Variants in ADD3 observed in about 807,000 individuals in gnomAD.
The protein encoded by ADD3 is adducin 3.
In ADD3, 25 loss-of-function variants were observed where a neutral mutation model predicts 80.2. The observed-to-expected ratio is 0.31, with a 90% CI of 0.23 to 0.44. The LOEUF (loss-of-function observed/expected upper bound fraction) is 0.44, where lower values mean the gene tolerates loss of function less well. ADD3 is among the 20% of genes least tolerant of loss of function. ADD3 has a pLI of 1.00. For missense variants in ADD3, 829 were observed against 847.5 expected (o/e 0.98, Z 0.27); for synonymous variants, 284 against 289.6 (o/e 0.98, Z 0.20).
At position 110,118,504 on chromosome 10, in the gene ADD3, T is replaced by A. The variant is rs1851063220; in HGVS notation, c.568-83T>A. On this transcript the variant is annotated intron_variant, in intron 5 of 14. Coordinates refer to ENST00000356080, the MANE Select transcript of ADD3 (RefSeq NM_016824.5). ...TGCTATCTGACCTTTTACAAAAAGG[T>A]TTGCTACCCCCTGGTTTAGCTTGTG... 6 of 1,238,364 alleles carry A rather than the reference T, an allele frequency of 4.8e-6. No homozygotes were observed. The Admixed American group carries it at 1.1e-4, about 23-fold the overall frequency. 76.7% of individuals were successfully genotyped at this position (1,238,364 alleles called of 1,614,324 possible).
At chr10:110,050,583 G>T in intron 1 of ADD3, among the ~76,000 whole-genome samples, 1 of 148,380 alleles carries the variant, frequency 6.7e-6, no homozygotes, top group Middle Eastern at 3.5e-3. Flanking sequence ...CACAATCTCA[G>T]CTCAATGCAA....
chr10:110,031,926 C>G (rs1203793817), intron 1 of ADD3, among the ~76,000 whole-genome samples: 1 of 149,412 alleles, frequency 6.7e-6, no homozygotes, highest in Non-Finnish European at 1.5e-5. Context: ...TTTGTGATAA[C>G]ATTTAAAGTT....
chr10:110,005,725 A>C (rs1010631782), upstream of ADD3: 8 of 152,172 alleles, frequency 5.3e-5, no homozygotes, highest in Non-Finnish European at 1.2e-4. Context: ...TCATTGACTT[A>C]CACTAAAATC....
chr10:110,016,195 C>T (rs971019618), intron 1 of ADD3, among the ~76,000 whole-genome samples: 3 of 152,140 alleles, frequency 2.0e-5, no homozygotes, highest in Non-Finnish European at 4.4e-5. Flanking sequence ...GGGAAGAGTG[C>T]CATCTACTGA....
intron 2 of ADD3, among the ~76,000 whole-genome samples, chr10:110,103,147 A>G (rs759365087): frequency 6.6e-6 from 1 of 152,186 alleles, no homozygotes; most frequent in Non-Finnish European, 1.5e-5. Context: ...TCTTCCTGCC[A>G]TATTTTAGGA....
chr10:110,104,878 G>T (rs544220175), intron 2 of ADD3, among the ~76,000 whole-genome samples: 1 of 152,282 alleles, frequency 6.6e-6, no homozygotes, highest in African/African-American at 2.4e-5. Flanking sequence ...GATGTGGTCA[G>T]AATTTAAACT....
At chr10:110,065,805 G>T (rs1164211397) in intron 1 of ADD3, among the ~76,000 whole-genome samples, 1 of 151,702 alleles carries the variant, frequency 6.6e-6, no homozygotes, top group Non-Finnish European at 1.5e-5. Context: ...CTCCCAAAGT[G>T]CTGGGATTAC....
intron 1 of ADD3, among the ~76,000 whole-genome samples, chr10:110,045,544 T>C (rs1856822150): frequency 6.6e-6 from 1 of 152,184 alleles, no homozygotes; most frequent in Non-Finnish European, 1.5e-5. Flanking sequence ...TAATTTTCAG[T>C]ACATGTTTTG....
At position 110,061,177 on chromosome 10, in the gene ADD3, G is replaced by A. The variant is rs140342984; in HGVS notation, c.-29-39448G>A. Among the ~76,000 whole-genome samples the A allele has an allele frequency of 2.2e-4, 33 of 152,294 alleles. 1 individual carries two copies. The East Asian group carries it at 5.6e-3, about 26-fold the overall frequency. ...GAGCTGTTTAATTTAGAAAGATGGA[G>A]CCATGGTGTTCCAGATGGTGAGGCT... On this transcript the variant is annotated intron_variant, in intron 1 of 14. Coordinates refer to ENST00000356080, the MANE Select transcript of ADD3 (RefSeq NM_016824.5).
chr10:109,997,023 C>G (rs1460437273), intron 1 of ADD3, among the ~76,000 whole-genome samples: 1 of 152,178 alleles, frequency 6.6e-6, no homozygotes, highest in Non-Finnish European at 1.5e-5. Context: ...GATTATATTT[C>G]AAGCAACTGA....
chr10:110,054,481 G>T (rs1251609212), intron 1 of ADD3, among the ~76,000 whole-genome samples: 3 of 132,990 alleles, frequency 2.3e-5, no homozygotes. Context: ...TTGCCATGTT[G>T]CCCAGGCTGG....
intron 1 of ADD3, among the ~76,000 whole-genome samples, chr10:110,094,540 C>T (rs879775890): frequency 1.3e-5 from 2 of 152,154 alleles, no homozygotes; most frequent in African/African-American, 4.8e-5. Context: ...TTACTCAGTG[C>T]TGCTCAATGC....
At position 110,038,069 on chromosome 10, in the gene ADD3, CAAAAAAAAAAA is replaced by C. The variant is rs754609555; in HGVS notation, c.-30+29784_-30+29794del. Among the ~76,000 whole-genome samples the C allele has an allele frequency of 2.7e-4, 12 of 43,894 alleles. No individual in the cohort carries two copies. The South Asian group carries it at 5.5e-3, about 20-fold the overall frequency. 28.8% of individuals were successfully genotyped at this position (43,894 alleles called of 152,430 possible). On this transcript the variant is annotated intron_variant, in intron 1 of 14. Coordinates refer to ENST00000356080, the MANE Select transcript of ADD3 (RefSeq NM_016824.5). ...GGGCAACAAGAGTAAAACTCCGTCT[CAAAAAAAAAAA>C]AAAAAAAAAAAAAGATATTTGGAAA... is the stretch of plus-strand genomic sequence containing the variant.
intron 1 of ADD3, among the ~76,000 whole-genome samples, chr10:110,093,834 T>G (rs1847841341): frequency 6.6e-6 from 1 of 152,198 alleles, no homozygotes; most frequent in Admixed American, 6.5e-5. Context: ...TGGGTGTGTG[T>G]GTGTATGTAT....
chr10:110,100,748 A>G lies in ADD3; in HGVS notation c.95A>G (p.Asp32Gly). The change falls in exon 2 of 15, where the codon GAC becomes GGC. Residue 32 changes from aspartate (D) to glycine (G), a missense_variant. Physicochemically the swap from Asp to Gly is moderately conservative, Grantham distance 94. Coordinates refer to ENST00000356080, the MANE Select transcript of ADD3 (RefSeq NM_016824.5). ...TATTTTGACCGCATCAATGAAAATG[A>G]CCCAGAATACATTAGGGAGAGGAAC... Reference protein sequence around the residue: ...ERYFDRINENDPEYIRERNMS... With the variant: ...ERYFDRINENGPEYIRERNMS... 1 of 1,614,044 alleles carries G rather than the reference A, an allele frequency of 6.2e-7. No homozygotes were observed. Among genetic ancestry groups the G allele is most frequent in the Non-Finnish European group, 8.5e-7 (1 of 1,179,946 alleles).
At chr10:110,014,587 G>A (rs1589724774) in intron 1 of ADD3, among the ~76,000 whole-genome samples, 1 of 151,912 alleles carries the variant, frequency 6.6e-6, no homozygotes, top group East Asian at 1.9e-4. Context: ...GTGCAATGGC[G>A]CAATTCTCAG....
intron 12 of ADD3, among the ~76,000 whole-genome samples, chr10:110,127,806 CTT>C (rs1019015901): frequency 2.1e-4 from 32 of 152,270 alleles, no homozygotes; most frequent in African/African-American, 7.5e-4. Flanking sequence ...TTTCCTGTAT[CTT>C]GTGTCTTCTG....
At chr10:110,103,536 A>AAG (rs1849077329) in intron 2 of ADD3, among the ~76,000 whole-genome samples, 3 of 152,238 alleles carry the variant, frequency 2.0e-5, no homozygotes, top group Non-Finnish European at 4.4e-5. Flanking sequence ...GCAAGGATCC[A>AAG]AGAGAGAGTA....
At chr10:110,090,747 A>G (rs1847398745) in intron 1 of ADD3, among the ~76,000 whole-genome samples, 1 of 152,184 alleles carries the variant, frequency 6.6e-6, no homozygotes, top group Admixed American at 6.5e-5. Flanking sequence ...TCTTTTTTAA[A>G]TGACTGCTTA....
Sources: gnomAD v4.1 joint callset for allele counts (sites outside exome capture counted in the v4.1 genomes callset) on GRCh38, gnomAD v4.1.1 for gene constraint, MANE v1.5 for transcripts, NCBI Gene and HGNC (gene_info 2026-07-23, HGNC 2026-07-21) for gene names.